The following COL23A1 variants were observed in gnomAD, a reference collection of about 807,000 sequenced individuals.
COL23A1 encodes the protein collagen type XXIII alpha 1 chain, also known as collagen alpha-1(XXIII) chain.
In COL23A1, 97 loss-of-function variants were observed where a neutral mutation model predicts 99.3. The observed-to-expected ratio is 0.98, with a 90% CI of 0.83 to 1.16. The LOEUF (loss-of-function observed/expected upper bound fraction) is 1.16, where lower values mean the gene tolerates loss of function less well. Among genes scored for constraint, COL23A1 ranks in the 50% most tolerant of loss-of-function variants. The probability of loss-of-function intolerance (pLI) is 0.00; values close to 1 mark genes in which losing one functional copy is unlikely to be tolerated. For missense variants in COL23A1, 762 were observed against 757.4 expected (o/e 1.01, Z -0.07); for synonymous variants, 320 against 308.2 (o/e 1.04, Z -0.40).
rs1035730745 is a variant in COL23A1 at position 178,247,471 on chromosome 5, G to A, written c.1296+55C>T. ...TGCTTTGCCCATTGGCAAGGCTCTT[G>A]GAAACTGCCCAGACGGTGAGTCTGA... On this transcript the variant is annotated intron_variant, in intron 22 of 28. Transcript: ENST00000390654. 2.1e-5 allele frequency: 34 copies of A among 1,604,982 alleles called. No homozygotes were observed. The African/African-American group carries it at 4.0e-4, about 19-fold the overall frequency.
At chr5:178,371,130 G>A (rs562564959) in intron 2 of COL23A1, among the ~76,000 whole-genome samples, 12 of 152,246 alleles carry the variant, frequency 7.9e-5, no homozygotes, top group African/African-American at 1.7e-4. Context: ...ACATCATGCC[G>A]CACACCATAT....
At chr5:178,541,673 T>G (rs1761296689) in intron 2 of COL23A1, among the ~76,000 whole-genome samples, 4 of 152,300 alleles carry the variant, frequency 2.6e-5, no homozygotes, top group Admixed American at 2.6e-4. Context: ...ATACGTATGT[T>G]CACTGAAAGA....
At chr5:178,492,120 T>C (rs1341478029) in intron 2 of COL23A1, among the ~76,000 whole-genome samples, 1 of 152,236 alleles carries the variant, frequency 6.6e-6, no homozygotes, top group Non-Finnish European at 1.5e-5. Flanking sequence ...GAAGAAGCAT[T>C]GAAATTGTAT....
At chr5:178,521,279 C>T (rs557448928) in intron 2 of COL23A1, among the ~76,000 whole-genome samples, 24 of 152,268 alleles carry the variant, frequency 1.6e-4, no homozygotes, top group African/African-American at 2.6e-4. Context: ...GCTGGCCGGG[C>T]GCGGTGGCTC....
chr5:178,346,865 G>A (rs1761002143), intron 2 of COL23A1, among the ~76,000 whole-genome samples: 1 of 152,250 alleles, frequency 6.6e-6, no homozygotes. Flanking sequence ...CTCACACTGG[G>A]CTGATAAAGC....
chr5:178,492,959 T>G (rs945130379), intron 2 of COL23A1, among the ~76,000 whole-genome samples: 1 of 152,196 alleles, frequency 6.6e-6, no homozygotes, highest in African/African-American at 2.4e-5. Context: ...ACTAAATGAC[T>G]TCATTCTAGA....
chr5:178,555,481 G>A (rs943391018), intron 2 of COL23A1, among the ~76,000 whole-genome samples: 5 of 152,198 alleles, frequency 3.3e-5, no homozygotes, highest in Admixed American at 2.6e-4. Context: ...GAAGACAAGC[G>A]GAGAAGAGCT....
intron 2 of COL23A1, among the ~76,000 whole-genome samples, chr5:178,454,107 A>C (rs1767637100): frequency 6.6e-6 from 1 of 152,162 alleles, no homozygotes; most frequent in African/African-American, 2.4e-5. Flanking sequence ...GAAACACAAC[A>C]TATGGACAGT....
intron 2 of COL23A1, among the ~76,000 whole-genome samples, chr5:178,504,473 C>T (rs986796180): frequency 3.3e-5 from 5 of 152,100 alleles, no homozygotes; most frequent in Admixed American, 3.3e-4. Context: ...GTGGGACCCT[C>T]GAGGTCCCTG....
intron 2 of COL23A1, among the ~76,000 whole-genome samples, chr5:178,558,727 T>C (rs1762405654): frequency 6.6e-6 from 1 of 151,914 alleles, no homozygotes; most frequent in Admixed American, 6.6e-5. Flanking sequence ...TTTTACACAT[T>C]TTGCAGATCA....
In COL23A1 at chr5:178,457,244, C is replaced by T. The variant is rs563968934; in HGVS notation, c.361+103438G>A. On this transcript the variant is annotated intron_variant, in intron 2 of 28. Coordinates refer to ENST00000390654, the MANE Select transcript of COL23A1 (RefSeq NM_173465.4). The stretch of plus-strand genomic sequence containing the variant: ...TCTTTTTTCTTTTGAGACAGAGTTT[C>T]ACTCTGTCGCCCAGGCTGGAGTGCA... Among the ~76,000 whole-genome samples the T allele has an allele frequency of 4.3e-4, 65 of 152,226 alleles. 1 individual carries two copies. The South Asian group carries it at 0.013, about 31-fold the overall frequency.
At chr5:178,404,187 T>C (rs555387792) in intron 2 of COL23A1, among the ~76,000 whole-genome samples, 1 of 152,324 alleles carries the variant, frequency 6.6e-6, no homozygotes, top group South Asian at 2.1e-4. Context: ...AGTTCCGGCG[T>C]TCTCTCTTCA....
chr5:178,552,658 G>A (rs1762056853), intron 2 of COL23A1, among the ~76,000 whole-genome samples: 1 of 149,822 alleles, frequency 6.7e-6, no homozygotes, highest in South Asian at 2.1e-4. Flanking sequence ...GCAGGAGTTC[G>A]AGACCTGCCT....
At chr5:178,372,664 C>T (rs1037607253) in intron 2 of COL23A1, among the ~76,000 whole-genome samples, 7 of 152,114 alleles carry the variant, frequency 4.6e-5, no homozygotes, top group African/African-American at 1.7e-4. Context: ...CCTCGACCTC[C>T]CAGCCTCAAG....
chr5:178,394,782 A>T (rs1764140825), intron 2 of COL23A1, among the ~76,000 whole-genome samples: 1 of 152,176 alleles, frequency 6.6e-6, no homozygotes, highest in African/African-American at 2.4e-5. Context: ...GGCTAGAATT[A>T]CAAGGCCCTG....
chr5:178,421,826 G>A (rs890125681), intron 2 of COL23A1, among the ~76,000 whole-genome samples: 6 of 152,176 alleles, frequency 3.9e-5, no homozygotes, highest in South Asian at 2.1e-4. Context: ...CTGAGATGGC[G>A]TCATTGCACT....
intron 1 of COL23A1, among the ~76,000 whole-genome samples, chr5:178,580,282 C>T (rs944670473): frequency 2.6e-5 from 4 of 151,238 alleles, no homozygotes; most frequent in African/African-American, 4.9e-5. Context: ...GAGCCGAGAT[C>T]GTGCCATTGC....
rs1471719388 is a variant in COL23A1, at chr5:178,498,237, T to C, written c.361+62445A>G. ...ATATATATATATATATATATATATA[T>C]ATATATATATATATATATATAAAAG... On this transcript the variant is annotated intron_variant, in intron 2 of 28. Coordinates refer to ENST00000390654, the MANE Select transcript of COL23A1 (RefSeq NM_173465.4). Among the ~76,000 whole-genome samples, 74 of 56,446 alleles carry C rather than the reference T, an allele frequency of 1.3e-3. 1 individual carries two copies. The highest frequency in any genetic ancestry group is 6.2e-3 in the African/African-American group (55 of 8,926). The allele number at this position is 56,446 out of a possible 152,430, so 37.0% of individuals were successfully genotyped here. A position where few individuals can be genotyped will look rare whatever the true frequency, so the allele number is the denominator to read the frequency against.
At chr5:178,558,021 A>G (rs1762372386) in intron 2 of COL23A1, among the ~76,000 whole-genome samples, 1 of 151,452 alleles carries the variant, frequency 6.6e-6, no homozygotes, top group Non-Finnish European at 1.5e-5. Flanking sequence ...TTCCTGGGAC[A>G]GCATCAGCAC....
Sources: gnomAD v4.1 joint callset for allele counts (sites outside exome capture counted in the v4.1 genomes callset) on GRCh38, gnomAD v4.1.1 for gene constraint, MANE v1.5 for transcripts, NCBI Gene and HGNC (gene_info 2026-07-23, HGNC 2026-07-21) for gene names.